OR9Q1: variants seen among roughly 807,000 people sequenced by gnomAD.
OR9Q1 encodes olfactory receptor 9Q1.
For missense variants in OR9Q1, 374 were observed against 378.8 expected, an observed-to-expected ratio of 0.99 and a Z score of 0.11; for synonymous variants, 153 against 148.6, an observed-to-expected ratio of 1.03 and a Z score of -0.22.
At chr11:58,054,991 C>A (rs376486113) in intron 1 of OR9Q1, among the ~76,000 whole-genome samples, 1 of 152,160 alleles carries the variant, frequency 6.6e-6, no homozygotes, top group South Asian at 2.1e-4. Flanking sequence ...GTGTGTTGAA[C>A]TGGGCTATGA....
chr11:58,143,899 A>G (rs1854274425), intron 2 of OR9Q1, among the ~76,000 whole-genome samples: 2 of 152,162 alleles, frequency 1.3e-5, no homozygotes, highest in African/African-American at 4.8e-5. Context: ...ATGTGCTTCG[A>G]AGGATTTCTG....
intron 2 of OR9Q1, among the ~76,000 whole-genome samples, chr11:58,147,145 T>C (rs1854306325): frequency 6.6e-6 from 1 of 152,162 alleles, no homozygotes; most frequent in East Asian, 1.9e-4. Context: ...ACACATGTTA[T>C]GTTAGAGAAA....
At chr11:58,031,479 A>G in intron 1 of OR9Q1, 1 of 1,614,112 alleles carries the variant, frequency 6.2e-7, no homozygotes, top group Non-Finnish European at 8.5e-7. Flanking sequence ...TATGGCCCAA[A>G]TGTCATTGAC....
intron 2 of OR9Q1, among the ~76,000 whole-genome samples, chr11:58,096,150 C>CTTT (rs200291818): frequency 2.2e-5 from 3 of 136,510 alleles, no homozygotes; most frequent in Non-Finnish European, 4.7e-5. Context: ...CTTCCTTTCC[C>CTTT]TTTTTTTTTT....
At chr11:58,134,570 A>G (rs1442433142) in intron 2 of OR9Q1, among the ~76,000 whole-genome samples, 1 of 152,196 alleles carries the variant, frequency 6.6e-6, no homozygotes, top group Non-Finnish European at 1.5e-5. Context: ...CAGAGTGAGA[A>G]GGCACTGGGG....
At position 58,150,995 on chromosome 11, in the gene OR9Q1, A is replaced by ATGAAG. The variant is rs1337404759; in HGVS notation, c.-14-28435_-14-28431dup. 2.0e-5 allele frequency among the ~76,000 whole-genome samples: 3 copies of ATGAAG among 152,192 alleles called. No homozygotes were observed. The East Asian group carries it at 5.8e-4, about 29-fold the overall frequency. On this transcript the variant is annotated intron_variant, in intron 2 of 2. Transcript: ENST00000335397. ...AAAAATCATTGCCACATCCAATGTC[A>ATGAAG]TGAAGCTTTTCCTCTGTGTTTTGTT...
chr11:58,034,100 T>TA (rs1554964448), intron 1 of OR9Q1, among the ~76,000 whole-genome samples: 70 of 103,354 alleles, frequency 6.8e-4, no homozygotes, highest in African/African-American at 2.0e-3. Context: ...TTTTTTTTTT[T>TA]AGACAGAGTC....
At chr11:58,037,670 TATATATATATATATATATA>T (rs1278536359) in intron 1 of OR9Q1, among the ~76,000 whole-genome samples, 15 of 8,598 alleles carry the variant, frequency 1.7e-3, no homozygotes, top group African/African-American at 3.7e-3. Flanking sequence ...TATATATATA[TATATATATATATATATATA>T]TTTTTTTTTT....
intron 2 of OR9Q1, among the ~76,000 whole-genome samples, chr11:58,082,484 A>T (rs1853596944): frequency 6.6e-6 from 1 of 151,064 alleles, no homozygotes; most frequent in African/African-American, 2.4e-5. Context: ...TCCTCAGTAA[A>T]CTATCGCAAG....
chr11:58,160,526 C>T (rs987651656), intron 2 of OR9Q1, among the ~76,000 whole-genome samples: 1 of 152,062 alleles, frequency 6.6e-6, no homozygotes, highest in Non-Finnish European at 1.5e-5. Flanking sequence ...GTGGCATGAT[C>T]ATAGCTCACT....
intron 2 of OR9Q1, among the ~76,000 whole-genome samples, chr11:58,153,589 G>T (rs1264141354): frequency 6.6e-6 from 1 of 151,432 alleles, no homozygotes; most frequent in African/African-American, 2.4e-5. Flanking sequence ...ATTTGAAAGT[G>T]AATTTAAAAA....
intron 2 of OR9Q1, among the ~76,000 whole-genome samples, chr11:58,091,321 T>C (rs1446662945): frequency 6.6e-6 from 1 of 152,128 alleles, no homozygotes; most frequent in African/African-American, 2.4e-5. Flanking sequence ...TTGGCTGTGT[T>C]CCAGAGATTC....
chr11:58,174,782 T>C (rs1410429670), intron 2 of OR9Q1, among the ~76,000 whole-genome samples: 1 of 151,620 alleles, frequency 6.6e-6, no homozygotes. Flanking sequence ...GGACTTTCAG[T>C]GCAAGGTCTA....
intron 2 of OR9Q1, among the ~76,000 whole-genome samples, chr11:58,137,698 C>G (rs1854202387): frequency 6.6e-6 from 1 of 152,082 alleles, no homozygotes; most frequent in South Asian, 2.1e-4. Context: ...GACCACAGTT[C>G]AAATCCCTGC....
chr11:58,078,948 A>C (rs1182491429), intron 2 of OR9Q1, among the ~76,000 whole-genome samples: 1 of 152,242 alleles, frequency 6.6e-6, no homozygotes, highest in Non-Finnish European at 1.5e-5. Flanking sequence ...TGAAGCAAGG[A>C]CAGAAACAGA....
chr11:58,159,590 A>G (rs1161769528), intron 2 of OR9Q1, among the ~76,000 whole-genome samples: 1 of 152,208 alleles, frequency 6.6e-6, no homozygotes, highest in Non-Finnish European at 1.5e-5. Context: ...ATTTTATTCA[A>G]AAGGACATTG....
intron 1 of OR9Q1, among the ~76,000 whole-genome samples, chr11:58,034,810 C>T (rs1853083906): frequency 7.4e-6 from 1 of 134,238 alleles, no homozygotes; most frequent in Non-Finnish European, 1.6e-5. Context: ...TCCTTCCTTC[C>T]TTCCTTCCTT....
chr11:58,078,649 T>A (rs1365355625), intron 2 of OR9Q1: 1 of 152,196 alleles, frequency 6.6e-6, no homozygotes, highest in Non-Finnish European at 1.5e-5. Context: ...AATAGAATAT[T>A]ACCTCTAGAA....
At chr11:58,041,963 C>T (rs1175332830) in intron 1 of OR9Q1, among the ~76,000 whole-genome samples, 3 of 152,142 alleles carry the variant, frequency 2.0e-5, no homozygotes, top group Non-Finnish European at 2.9e-5. Context: ...GTCTAGGATC[C>T]CTTTAAATTG....
Sources: gnomAD v4.1 joint callset for allele counts (sites outside exome capture counted in the v4.1 genomes callset) on GRCh38, gnomAD v4.1.1 for gene constraint, MANE v1.5 for transcripts, NCBI Gene and HGNC (gene_info 2026-07-23, HGNC 2026-07-21) for gene names.